Variants in PLPPR1 observed in about 807,000 individuals in gnomAD.
PLPPR1 encodes phospholipid phosphatase related 1.
In PLPPR1, 10 loss-of-function variants were observed where a neutral mutation model predicts 33.1. That is an observed-to-expected ratio of 0.30 (90% CI 0.19 to 0.51). PLPPR1 has a LOEUF of 0.51. Ranked by LOEUF, PLPPR1 falls within the 20% of genes least tolerant of loss-of-function variation. PLPPR1 has a pLI of 0.97. For missense variants in PLPPR1, 304 were observed against 408.1 expected (o/e 0.74, Z 2.20); for synonymous variants, 151 against 151.0 (o/e 1.00, Z 0.00).
intron 1 of PLPPR1, among the ~76,000 whole-genome samples, chr9:101,073,896 G>T (rs1457433750): frequency 6.6e-6 from 1 of 151,192 alleles, no homozygotes; most frequent in Admixed American, 6.6e-5. Flanking sequence ...AGAAGAAGAT[G>T]AAGCCATGAA....
rs569743259 is a variant in PLPPR1 at position 101,209,461 on chromosome 9, G to A, written c.63+23904G>A. The stretch of plus-strand genomic sequence containing the variant: ...CTCCTTATCTATCACTCCCTTTAGG[G>A]TCGTTTCTTGGATTTCTTGGCCCCT... On this transcript the variant is annotated intron_variant, in intron 2 of 7. Transcript: ENST00000374874. Among the ~76,000 whole-genome samples, 12 of 152,284 alleles carry A rather than the reference G, an allele frequency of 7.9e-5. No homozygotes were observed. The South Asian group carries it at 2.3e-3, about 29-fold the overall frequency.
intron 2 of PLPPR1, among the ~76,000 whole-genome samples, chr9:101,186,328 G>C (rs1239073206): frequency 6.6e-6 from 1 of 150,456 alleles, no homozygotes; most frequent in African/African-American, 2.4e-5. Context: ...TAGTGGATCG[G>C]TTTTTTTTTA....
chr9:101,090,001 T>C (rs1830723546), intron 1 of PLPPR1, among the ~76,000 whole-genome samples: 1 of 152,148 alleles, frequency 6.6e-6, no homozygotes, highest in Admixed American at 6.5e-5. Flanking sequence ...TGGTCTGTGC[T>C]CCCTCTGAAA....
chr9:101,195,970 T>C (rs1826387219), intron 2 of PLPPR1, among the ~76,000 whole-genome samples: 1 of 152,234 alleles, frequency 6.6e-6, no homozygotes, highest in African/African-American at 2.4e-5. Context: ...GAACATACTA[T>C]ATTTGTAAGA....
intron 1 of PLPPR1, among the ~76,000 whole-genome samples, chr9:101,085,867 G>C (rs1316685914): frequency 6.6e-6 from 1 of 151,874 alleles, no homozygotes; most frequent in Non-Finnish European, 1.5e-5. Flanking sequence ...GGACCGGGGG[G>C]GGCTCTACTG....
chr9:101,268,622 C>T (rs753782410), intron 2 of PLPPR1, among the ~76,000 whole-genome samples: 8 of 152,210 alleles, frequency 5.3e-5, no homozygotes, highest in Non-Finnish European at 7.3e-5. Flanking sequence ...TTCACACTAA[C>T]CAGCTGTGTG....
chr9:101,034,822 G>A (rs1414201153), intron 1 of PLPPR1, among the ~76,000 whole-genome samples: 2 of 151,680 alleles, frequency 1.3e-5, no homozygotes, highest in Admixed American at 6.6e-5. Context: ...TTTGGGGGCG[G>A]GGGGGTTGGT....
rs980078806 is a variant in PLPPR1 at position 101,294,536 on chromosome 9, T to A, written c.385+8300T>A. 4.9e-4 allele frequency among the ~76,000 whole-genome samples: 74 copies of A among 151,806 alleles called. 2 individuals carry two copies. Among genetic ancestry groups the A allele is most frequent in the Non-Finnish European group, 1.2e-4 (8 of 67,924 alleles). ...TTAGACCAATATCCTTGATGAACATTGATGCAAAAATCCTCAATAAAATAC... is the reference window on the plus strand; with the variant it reads ...TTAGACCAATATCCTTGATGAACATAGATGCAAAAATCCTCAATAAAATAC... On this transcript the variant is annotated intron_variant, in intron 4 of 7. Coordinates refer to ENST00000374874, the MANE Select transcript of PLPPR1 (RefSeq NM_207299.2).
At chr9:101,139,475 A>C (rs1003833027) in intron 1 of PLPPR1, among the ~76,000 whole-genome samples, 1 of 152,212 alleles carries the variant, frequency 6.6e-6, no homozygotes, top group Non-Finnish European at 1.5e-5. Flanking sequence ...CTCTATAGAC[A>C]TTTAAAAAGC....
At chr9:101,313,525 C>T (rs1286931094) in intron 6 of PLPPR1, among the ~76,000 whole-genome samples, 1 of 152,158 alleles carries the variant, frequency 6.6e-6, no homozygotes, top group Non-Finnish European at 1.5e-5. Flanking sequence ...GAACATGCCT[C>T]TTGGGAATCT....
chr9:101,036,121 G>T (rs1377792513), intron 1 of PLPPR1, among the ~76,000 whole-genome samples: 1 of 152,102 alleles, frequency 6.6e-6, no homozygotes, highest in Non-Finnish European at 1.5e-5. Flanking sequence ...TGATTACTGA[G>T]TTTTTTGGAA....
chr9:101,244,045 G>A (rs1159289084), intron 2 of PLPPR1, among the ~76,000 whole-genome samples: 1 of 151,860 alleles, frequency 6.6e-6, no homozygotes, highest in African/African-American at 2.4e-5. Context: ...AAAAAGGGAG[G>A]TTAGGGCAGA....
At chr9:101,191,503 A>C (rs542005466) in intron 2 of PLPPR1, among the ~76,000 whole-genome samples, 1 of 149,590 alleles carries the variant, frequency 6.7e-6, no homozygotes, top group Non-Finnish European at 1.5e-5. Flanking sequence ...CCTTTTTTTC[A>C]CTGTCATTTC....
At chr9:101,148,551 C>G (rs1177670584) in intron 1 of PLPPR1, among the ~76,000 whole-genome samples, 1 of 152,150 alleles carries the variant, frequency 6.6e-6, no homozygotes, top group Non-Finnish European at 1.5e-5. Flanking sequence ...TGAGGTTAAG[C>G]CCTTTCTGTC....
At chr9:101,124,636 G>A (rs1181995504) in intron 1 of PLPPR1, among the ~76,000 whole-genome samples, 3 of 152,220 alleles carry the variant, frequency 2.0e-5, no homozygotes, top group Admixed American at 6.5e-5. Context: ...AGAAGGCACA[G>A]GGAAAGCAAA....
chr9:101,030,258 A>G (rs1399761713), intron 1 of PLPPR1, among the ~76,000 whole-genome samples: 1 of 151,712 alleles, frequency 6.6e-6, no homozygotes, highest in Non-Finnish European at 1.5e-5. Context: ...GGACAAAGGG[A>G]GATAGAAGAG....
chr9:101,228,193 A>G (rs983245992), intron 2 of PLPPR1, among the ~76,000 whole-genome samples: 1 of 152,172 alleles, frequency 6.6e-6, no homozygotes, highest in African/African-American at 2.4e-5. Context: ...TCCATCAAGA[A>G]GTTTAGGGAG....
intron 2 of PLPPR1, among the ~76,000 whole-genome samples, chr9:101,221,673 G>A (rs927227114): frequency 8.5e-5 from 13 of 152,174 alleles, no homozygotes; most frequent in Admixed American, 7.2e-4. Context: ...AAGCTCAGAG[G>A]TGAAGTAACT....
At chr9:101,190,424 C>T (rs903117819) in intron 2 of PLPPR1, among the ~76,000 whole-genome samples, 10 of 152,054 alleles carry the variant, frequency 6.6e-5, no homozygotes, top group African/African-American at 2.2e-4. Context: ...TTCATAGAGC[C>T]GGGACTGTTG....
Sources: allele counts gnomAD v4.1 joint callset (sites outside exome capture counted in the v4.1 genomes callset), GRCh38; gene constraint gnomAD v4.1.1; transcripts MANE v1.5; gene names NCBI Gene and HGNC (gene_info 2026-07-23, HGNC 2026-07-21).